Variants in MAPKAP1 observed in about 807,000 individuals in gnomAD.
MAPKAP1 encodes the protein MAPK associated protein 1, also known as target of rapamycin complex 2 subunit MAPKAP1.
Under a neutral mutation model 65.7 loss-of-function variants are expected in MAPKAP1, and 20 were observed. That is an observed-to-expected ratio of 0.30 (90% confidence interval 0.21 to 0.44). MAPKAP1 has a LOEUF of 0.44. Among genes scored for constraint, MAPKAP1 ranks in the 20% least tolerant of loss-of-function variants. The pLI is 1.00. For synonymous variants in MAPKAP1, 222 were observed against 244.3 expected (o/e 0.91, Z 0.85); for missense variants, 423 against 648.0 (o/e 0.65, Z 3.77).
At chr9:125,572,343 G>A (rs993937947) in intron 5 of MAPKAP1, among the ~76,000 whole-genome samples, 1 of 152,156 alleles carries the variant, frequency 6.6e-6, no homozygotes, top group Admixed American at 6.5e-5. Context: ...TTCCTTCTAT[G>A]GAACAGAGTT....
chr9:125,543,456 T>TTA (rs1830318854), intron 6 of MAPKAP1, among the ~76,000 whole-genome samples: 1 of 151,586 alleles, frequency 6.6e-6, no homozygotes, highest in Non-Finnish European at 1.5e-5. Context: ...TTTTTTTTTT[T>TTA]TAGTAGAGAC....
At chr9:125,602,001 C>T (rs1484529027) in intron 4 of MAPKAP1, among the ~76,000 whole-genome samples, 1 of 152,184 alleles carries the variant, frequency 6.6e-6, no homozygotes, top group Non-Finnish European at 1.5e-5. Context: ...CGCCTGTAAT[C>T]CCAGCACTCT....
intron 1 of MAPKAP1, among the ~76,000 whole-genome samples, chr9:125,703,235 G>C (rs1273547048): frequency 1.3e-5 from 2 of 152,060 alleles, no homozygotes; most frequent in Non-Finnish European, 2.9e-5. Flanking sequence ...CATCGGACTT[G>C]GAGACCACTG....
At chr9:125,532,473 T>C (rs766023124) in intron 7 of MAPKAP1, among the ~76,000 whole-genome samples, 3 of 152,222 alleles carry the variant, frequency 2.0e-5, no homozygotes, top group Non-Finnish European at 2.9e-5. Context: ...GAAAAAGGCA[T>C]CTCTCTGCAT....
intron 8 of MAPKAP1, among the ~76,000 whole-genome samples, chr9:125,491,728 C>T (rs1460887881): frequency 6.6e-6 from 1 of 151,522 alleles, no homozygotes. Context: ...TTGCAGTGAG[C>T]TGTGATTGTA....
In MAPKAP1 at chr9:125,460,610, C is replaced by T. The variant is rs940164974; in HGVS notation, c.1345+7362G>A. Reference sequence around the variant, plus strand: ...GGGTCAGAGGAGAATCTTCTGACTCCGAAATTCAGAGTGTTGATCCTTCTA... The same window carrying T: ...GGGTCAGAGGAGAATCTTCTGACTCTGAAATTCAGAGTGTTGATCCTTCTA... On this transcript the variant is annotated intron_variant, in intron 10 of 11. Transcript: ENST00000265960. Among the ~76,000 whole-genome samples, 18 of 152,220 alleles carry T rather than the reference C, an allele frequency of 1.2e-4. No individual in the cohort carries two copies. The South Asian group carries it at 1.2e-3, about 11-fold the overall frequency.
chr9:125,502,190 C>A (rs1473345780), intron 8 of MAPKAP1, among the ~76,000 whole-genome samples: 1 of 151,956 alleles, frequency 6.6e-6, no homozygotes, highest in Non-Finnish European at 1.5e-5. Context: ...CAACCTCCAC[C>A]TCCCAGGTTC....
Position 125,444,689 on chromosome 9 carries a change from C to T in MAPKAP1, c.1346-91G>A, listed in dbSNP as rs561726242. The T allele has an allele frequency of 1.5e-5, 13 of 862,236 alleles. No homozygotes were observed. The African/African-American group carries it at 1.7e-4, about 11-fold the overall frequency. The allele number at this position is 862,236 out of a possible 1,614,324, so 53.4% of individuals were successfully genotyped here. On this transcript the variant is annotated intron_variant, in intron 10 of 11. Coordinates refer to ENST00000265960, the MANE Select transcript of MAPKAP1 (RefSeq NM_001006617.3). ...TTCTCCCCTATCATTCCAATTCGAG[C>T]GAGAGCAAGTGGAGGCTGAGCAGCA...
rs573924807 is a variant in MAPKAP1, at chr9:125,569,666, C to CGT, written c.672-9858_672-9857insAC. Among the ~76,000 whole-genome samples the CGT allele has an allele frequency of 9.4e-4, 143 of 152,244 alleles. 6 individuals are homozygous for CGT. The South Asian group carries it at 0.028, about 29-fold the overall frequency. On this transcript the variant is annotated intron_variant, in intron 5 of 11. Transcript: ENST00000265960. ...GCCTCCTTGGGAAAAACAGGAGGCA[C>CGT]CAGAGACCCCTTTCCTGGCCCTGTT... is the stretch of plus-strand genomic sequence containing the variant.
intron 6 of MAPKAP1, chr9:125,559,087 A>T (rs1292134618): frequency 1.3e-5 from 2 of 152,274 alleles, no homozygotes; most frequent in African/African-American, 4.8e-5. Context: ...TTGTTCAATA[A>T]TCTGATAACT....
At chr9:125,584,289 G>A (rs185544145) in intron 5 of MAPKAP1, among the ~76,000 whole-genome samples, 7 of 152,264 alleles carry the variant, frequency 4.6e-5, no homozygotes, top group Admixed American at 4.6e-4. Flanking sequence ...AGGCAAAGTG[G>A]AGGGCAATGT....
At chr9:125,687,294 T>G (rs975147230) in intron 1 of MAPKAP1, among the ~76,000 whole-genome samples, 1 of 152,110 alleles carries the variant, frequency 6.6e-6, no homozygotes, top group African/African-American at 2.4e-5. Context: ...TTGCCACATC[T>G]AGAGTTCCAC....
intron 10 of MAPKAP1, among the ~76,000 whole-genome samples, chr9:125,461,851 T>C (rs1164806896): frequency 1.3e-5 from 2 of 152,154 alleles, no homozygotes; most frequent in Admixed American, 6.5e-5. Flanking sequence ...GGCTGTTGCC[T>C]TCCTGGGCTG....
At chr9:125,684,080 A>G (rs1254469256) in intron 1 of MAPKAP1, among the ~76,000 whole-genome samples, 1 of 152,224 alleles carries the variant, frequency 6.6e-6, no homozygotes, top group Non-Finnish European at 1.5e-5. Flanking sequence ...TTCTACCATC[A>G]TTACAGTGAG....
chr9:125,517,972 A>C (rs1335011038), intron 7 of MAPKAP1, among the ~76,000 whole-genome samples: 1 of 152,162 alleles, frequency 6.6e-6, no homozygotes, highest in Non-Finnish European at 1.5e-5. Flanking sequence ...CTTTCAAAAA[A>C]ACTCAACTCT....
At chr9:125,489,771 G>C (rs1241400998) in intron 8 of MAPKAP1, among the ~76,000 whole-genome samples, 1 of 152,192 alleles carries the variant, frequency 6.6e-6, no homozygotes, top group Non-Finnish European at 1.5e-5. Flanking sequence ...AGGGCCTGCA[G>C]CCAAGAAAGA....
At chr9:125,692,012 G>A (rs1352219547) in intron 1 of MAPKAP1, among the ~76,000 whole-genome samples, 1 of 152,198 alleles carries the variant, frequency 6.6e-6, no homozygotes, top group Non-Finnish European at 1.5e-5. Context: ...GAGAAATACA[G>A]AACCTGAGGA....
At chr9:125,489,057 A>C (rs1229672846) in intron 8 of MAPKAP1, among the ~76,000 whole-genome samples, 1 of 152,258 alleles carries the variant, frequency 6.6e-6, no homozygotes, top group African/African-American at 2.4e-5. Flanking sequence ...TACCATCTGC[A>C]TATTAAAATT....
intron 7 of MAPKAP1, among the ~76,000 whole-genome samples, chr9:125,542,005 A>G (rs1830265204): frequency 6.6e-6 from 1 of 152,052 alleles, no homozygotes; most frequent in African/African-American, 2.4e-5. Flanking sequence ...CAAGCATCCA[A>G]ATTGCTTGCA....
Sources: allele counts gnomAD v4.1 joint callset (sites outside exome capture counted in the v4.1 genomes callset), GRCh38; gene constraint gnomAD v4.1.1; transcripts MANE v1.5; gene names NCBI Gene and HGNC (gene_info 2026-07-23, HGNC 2026-07-21).